IGSF5: variants seen among roughly 807,000 people sequenced by gnomAD.
IGSF5 encodes the protein immunoglobulin superfamily 5 like.
IGSF5 carries 41 observed loss-of-function variants against 39.4 expected under a neutral mutation model. The observed-to-expected ratio is 1.04, with a 90% CI of 0.81 to 1.35. The LOEUF (loss-of-function observed/expected upper bound fraction) is 1.35, where lower values mean the gene tolerates loss of function less well. Ranked by LOEUF, IGSF5 falls within the 40% of genes most tolerant of loss-of-function variation. IGSF5 has a pLI of 0.00. For missense variants in IGSF5, 487 were observed against 494.6 expected, an observed-to-expected ratio of 0.98 and a Z score of 0.15; for synonymous variants, 183 against 175.3, an observed-to-expected ratio of 1.04 and a Z score of -0.34.
intron 4 of IGSF5, among the ~76,000 whole-genome samples, chr21:39,776,671 G>T (rs961347214): frequency 1.3e-5 from 2 of 152,114 alleles, no homozygotes; most frequent in Non-Finnish European, 2.9e-5. Flanking sequence ...CTAGATTAAG[G>T]CAGGCTCTCT....
intron 2 of IGSF5, among the ~76,000 whole-genome samples, chr21:39,763,455 A>G (rs1039741099): frequency 6.6e-6 from 1 of 152,010 alleles, no homozygotes; most frequent in Non-Finnish European, 1.5e-5. Flanking sequence ...CCTCCTTTTC[A>G]TCTCCCAGCT....
chr21:39,734,108 T>C, the IGSF5 span, among the ~76,000 whole-genome samples: 1 of 152,138 alleles, frequency 6.6e-6, no homozygotes, highest in Admixed American at 6.5e-5. Flanking sequence ...TATGTAAAAT[T>C]ACTTTTACTA....
the IGSF5 span, among the ~76,000 whole-genome samples, chr21:39,719,608 A>G: frequency 4.0e-4 from 61 of 152,188 alleles, no homozygotes; most frequent in African/African-American, 1.2e-3. Context: ...GAGGAGAGAC[A>G]GAAGAAACAG....
At chr21:39,717,702 G>GA in the IGSF5 span, among the ~76,000 whole-genome samples, 2 of 152,116 alleles carry the variant, frequency 1.3e-5, no homozygotes, top group African/African-American at 2.4e-5. Flanking sequence ...TGGTCTATAT[G>GA]CCTGTTTTTG....
At chr21:39,774,131 T>C (rs2146284487) in intron 4 of IGSF5, among the ~76,000 whole-genome samples, 1 of 152,332 alleles carries the variant, frequency 6.6e-6, no homozygotes, top group East Asian at 1.9e-4. Flanking sequence ...GGTAATTTGT[T>C]TCTAAATTAT....
At chr21:39,743,544 T>G (rs77732980), upstream of IGSF5, among the ~76,000 whole-genome samples, 1 of 138,944 alleles carries the variant, frequency 7.2e-6, no homozygotes, top group African/African-American at 2.6e-5. Flanking sequence ...ATATTGGCAC[T>G]CTTTGGTTCA....
At position 39,765,636 on chromosome 21, in the gene IGSF5, CTCA is replaced by C; in HGVS notation, c.207_209del (p.Ile69del). The C allele has an allele frequency of 1.2e-6, 2 of 1,614,142 alleles. No homozygotes were observed. Among genetic ancestry groups the C allele is most frequent in the Non-Finnish European group, 1.7e-6 (2 of 1,180,016 alleles). On this transcript the variant is annotated inframe_deletion, in exon 3 of 9. Coordinates refer to ENST00000380588, the MANE Select transcript of IGSF5 (RefSeq NM_001080444.2). ...CTGCACCGTCTCCCAGGGCTGGAAG[CTCA>C]TCATGTGGGCTCTCAGTGACATGGT...
chr21:39,785,147 C>A (rs558520029), intron 5 of IGSF5, among the ~76,000 whole-genome samples: 1 of 151,756 alleles, frequency 6.6e-6, no homozygotes, highest in African/African-American at 2.4e-5. Flanking sequence ...CCCATTAACT[C>A]GTCATTTAAT....
At chr21:39,786,573 A>G (rs2146291000) in intron 5 of IGSF5, among the ~76,000 whole-genome samples, 1 of 148,774 alleles carries the variant, frequency 6.7e-6, no homozygotes, top group South Asian at 2.2e-4. Flanking sequence ...ATCTAGAACT[A>G]GAAATACCAT....
the IGSF5 span, among the ~76,000 whole-genome samples, chr21:39,737,098 G>A: frequency 6.6e-6 from 1 of 151,596 alleles, no homozygotes; most frequent in Non-Finnish European, 1.5e-5. Flanking sequence ...CTAATATGTT[G>A]TCTCCCTGAT....
chr21:39,735,757 A>T, the IGSF5 span, among the ~76,000 whole-genome samples: 2 of 152,110 alleles, frequency 1.3e-5, no homozygotes, highest in African/African-American at 4.8e-5. Context: ...ATAGAAGCAA[A>T]ATTGGTCAAT....
intron 6 of IGSF5, among the ~76,000 whole-genome samples, chr21:39,789,279 G>T (rs926654199): frequency 5.3e-5 from 8 of 152,190 alleles, no homozygotes; most frequent in African/African-American, 1.9e-4. Context: ...AATGGGTAGA[G>T]GATAACAACA....
intron 2 of IGSF5, among the ~76,000 whole-genome samples, chr21:39,758,201 AGGCCGCT>A (rs2080042473): frequency 6.6e-6 from 1 of 152,014 alleles, no homozygotes; most frequent in Non-Finnish European, 1.5e-5. Flanking sequence ...GGGCCACAGG[AGGCCGCT>A]GGAACACACA....
At chr21:39,716,515 C>G in the IGSF5 span, among the ~76,000 whole-genome samples, 1 of 151,798 alleles carries the variant, frequency 6.6e-6, no homozygotes, top group Non-Finnish European at 1.5e-5. Context: ...TCCGCTCAAG[C>G]AGACCCCACT....
chr21:39,740,438 T>C (rs1341310413), upstream of IGSF5, among the ~76,000 whole-genome samples: 2 of 152,240 alleles, frequency 1.3e-5, no homozygotes, highest in Non-Finnish European at 2.9e-5. Context: ...TATTACTGCA[T>C]GGGCATGGAG....
upstream of IGSF5, among the ~76,000 whole-genome samples, chr21:39,740,833 T>C (rs2079945422): frequency 6.6e-6 from 1 of 152,220 alleles, no homozygotes; most frequent in African/African-American, 2.4e-5. Flanking sequence ...GAGCCTGATA[T>C]TTAAGTAAAT....
intron 4 of IGSF5, among the ~76,000 whole-genome samples, chr21:39,774,063 A>G (rs1234816359): frequency 6.6e-6 from 1 of 152,174 alleles, no homozygotes; most frequent in Non-Finnish European, 1.5e-5. Context: ...GCTGCTGGAG[A>G]GGGAGGCTCA....
At chr21:39,781,905 G>A (rs375090392) in intron 5 of IGSF5, among the ~76,000 whole-genome samples, 6 of 152,080 alleles carry the variant, frequency 3.9e-5, no homozygotes, top group East Asian at 3.9e-4. Flanking sequence ...CTTTATCTGC[G>A]TTTTGAGTCA....
chr21:39,776,214 A>C (rs1049327974), intron 4 of IGSF5, among the ~76,000 whole-genome samples: 2 of 151,440 alleles, frequency 1.3e-5, no homozygotes, highest in African/African-American at 2.4e-5. Flanking sequence ...ATAGATATAA[A>C]ATATATATTA....
Sources: allele counts gnomAD v4.1 joint callset (sites outside exome capture counted in the v4.1 genomes callset), GRCh38; gene constraint gnomAD v4.1.1; transcripts MANE v1.5; gene names NCBI Gene and HGNC (gene_info 2026-07-23, HGNC 2026-07-21).